Variants in LUZP2 observed in about 807,000 individuals in gnomAD.
LUZP2 encodes the protein leucine zipper protein 2.
Under a neutral mutation model 51.6 loss-of-function variants are expected in LUZP2, and 52 were observed. The ratio of observed to expected loss-of-function variants is 1.01; its 90% CI spans 0.81 to 1.27. The LOEUF (loss-of-function observed/expected upper bound fraction) is 1.27. LUZP2 is among the 50% of genes most tolerant of loss of function. The probability of loss-of-function intolerance (pLI) is 0.00; values close to 1 mark genes in which losing one functional copy is unlikely to be tolerated. For missense variants in LUZP2, 436 were observed against 395.4 expected (o/e 1.10, Z -0.87); for synonymous variants, 154 against 137.3 (o/e 1.12, Z -0.85).
At chr11:25,056,543 A>G (rs1055436753) in intron 10 of LUZP2, among the ~76,000 whole-genome samples, 6 of 152,136 alleles carry the variant, frequency 3.9e-5, no homozygotes, top group African/African-American at 9.7e-5. Flanking sequence ...CATAAAACCT[A>G]GATGTGTATA....
At chr11:25,009,719 A>G (rs1355412950) in intron 9 of LUZP2, among the ~76,000 whole-genome samples, 3 of 152,208 alleles carry the variant, frequency 2.0e-5, no homozygotes, top group Admixed American at 6.5e-5. Context: ...ATTTTAACAC[A>G]TTCTTTACAT....
chr11:24,752,273 A>G (rs1859621000), intron 4 of LUZP2, among the ~76,000 whole-genome samples: 1 of 152,204 alleles, frequency 6.6e-6, no homozygotes, highest in Non-Finnish European at 1.5e-5. Context: ...CAATAATCAG[A>G]TAGATATCAG....
In LUZP2 at chr11:24,881,649, A is replaced by G. The variant is rs577326467; in HGVS notation, c.397-24342A>G. ...TTAGGAGTAGAAGTCCAAATGTTGG[A>G]TCATATAATGAAAATAACCATCAAA... is the stretch of plus-strand genomic sequence containing the variant. On this transcript the variant is annotated intron_variant, in intron 5 of 11. Transcript: ENST00000336930. 4.6e-5 allele frequency among the ~76,000 whole-genome samples: 7 copies of G among 152,174 alleles called. No individual in the cohort carries two copies. In the East Asian group the frequency reaches 1.2e-3, roughly 25 times the overall value.
chr11:24,943,653 A>G (rs554202507), intron 7 of LUZP2, among the ~76,000 whole-genome samples: 1 of 152,176 alleles, frequency 6.6e-6, no homozygotes, highest in East Asian at 1.9e-4. Context: ...CAAGGTGGAC[A>G]GATCACTTGA....
rs2077491252 is a variant in LUZP2, at chr11:25,080,984, TTTTA to T, written c.*2329_*2332del. ...TTTTGTTCTGTATATTCTAAATTCC[TTTTA>T]TTAATTCCTGGCTTGATCAAGTGGG... On this transcript the variant is annotated 3_prime_UTR_variant, in exon 12 of 12. Coordinates refer to ENST00000336930, the MANE Select transcript of LUZP2 (RefSeq NM_001009909.4). 1 of 152,024 alleles carries T rather than the reference TTTTA, an allele frequency of 6.6e-6. No homozygotes were observed. The highest frequency in any genetic ancestry group is 2.4e-5 in the African/African-American group (1 of 41,404). 9.4% of individuals were successfully genotyped at this position (152,024 alleles called of 1,614,324 possible).
At chr11:24,987,870 G>A (rs999125776) in intron 9 of LUZP2, among the ~76,000 whole-genome samples, 8 of 151,802 alleles carry the variant, frequency 5.3e-5, no homozygotes, top group African/African-American at 1.5e-4. Context: ...GAGCCTAGGC[G>A]GCATCTTCAA....
At chr11:24,921,199 C>G (rs950644177) in intron 7 of LUZP2, among the ~76,000 whole-genome samples, 7 of 152,010 alleles carry the variant, frequency 4.6e-5, no homozygotes, top group Admixed American at 3.9e-4. Context: ...CTCCCCCATA[C>G]AGAGACAGAG....
intron 1 of LUZP2, among the ~76,000 whole-genome samples, chr11:24,587,020 G>C (rs544263799): frequency 3.3e-5 from 5 of 151,946 alleles, no homozygotes; most frequent in African/African-American, 1.2e-4. Flanking sequence ...TTAAAAAATT[G>C]CTAGGGAGAT....
At chr11:24,744,547 G>T (rs1859306109) in intron 4 of LUZP2, among the ~76,000 whole-genome samples, 1 of 152,076 alleles carries the variant, frequency 6.6e-6, no homozygotes, top group African/African-American at 2.4e-5. Flanking sequence ...AGTGGTGTCA[G>T]TTGTAATATC....
At chr11:24,906,185 T>A in intron 6 of LUZP2, 132 bp downstream of exon 6, 2 of 493,614 alleles carry the variant, frequency 4.1e-6, no homozygotes, top group Non-Finnish European at 7.0e-6. Flanking sequence ...TAGAAAAATA[T>A]AATATATTTT....
At chr11:24,918,152 A>G (rs542694850) in intron 7 of LUZP2, among the ~76,000 whole-genome samples, 2 of 152,174 alleles carry the variant, frequency 1.3e-5, no homozygotes, top group African/African-American at 2.4e-5. Context: ...TTATTGGTGT[A>G]TAAGAATGCT....
chr11:24,791,739 G>C (rs997474196), intron 5 of LUZP2, among the ~76,000 whole-genome samples: 6 of 152,062 alleles, frequency 3.9e-5, no homozygotes, highest in African/African-American at 1.4e-4. Flanking sequence ...TAGGACAGAA[G>C]GAGATTATTT....
intron 5 of LUZP2, among the ~76,000 whole-genome samples, chr11:24,881,628 GAGT>G (rs1852473316): frequency 1.3e-5 from 2 of 151,986 alleles, no homozygotes; most frequent in African/African-American, 4.8e-5. Flanking sequence ...ACAATGTTAG[GAGT>G]AGAAGTCCAA....
chr11:24,696,811 G>GA (rs548804692), intron 1 of LUZP2, among the ~76,000 whole-genome samples: 25 of 150,084 alleles, frequency 1.7e-4, no homozygotes, highest in East Asian at 3.9e-4. Flanking sequence ...AGAATCTTAA[G>GA]AAAAAAAAAC....
chr11:24,760,476 G>C (rs533305500), intron 4 of LUZP2, among the ~76,000 whole-genome samples: 1 of 152,016 alleles, frequency 6.6e-6, no homozygotes, highest in African/African-American at 2.4e-5. Context: ...CTAGTGTTTT[G>C]GGGTTACTGT....
intron 1 of LUZP2, among the ~76,000 whole-genome samples, chr11:24,525,785 A>G (rs879642967): frequency 1.3e-4 from 20 of 151,412 alleles, no homozygotes; most frequent in Non-Finnish European, 2.1e-4. Flanking sequence ...AAGGGCCTTT[A>G]GGAAATCCTA....
chr11:24,766,905 G>T lies in LUZP2; in HGVS notation c.396+3597G>T, dbSNP rs890440464. Reference sequence around the variant, plus strand: ...GCCTCCTGAGTAGCTGGGACTACAGGCATGCACCACCAAACCCAGCTAATT... The same window carrying T: ...GCCTCCTGAGTAGCTGGGACTACAGTCATGCACCACCAAACCCAGCTAATT... On this transcript the variant is annotated intron_variant, in intron 5 of 11. Coordinates refer to ENST00000336930, the MANE Select transcript of LUZP2 (RefSeq NM_001009909.4). Among the ~76,000 whole-genome samples, 3 of 151,982 alleles carry T rather than the reference G, an allele frequency of 2.0e-5. No homozygotes were observed. In the East Asian group the frequency reaches 5.8e-4, roughly 29 times the overall value.
intron 9 of LUZP2, among the ~76,000 whole-genome samples, chr11:24,992,019 G>A (rs180979158): frequency 9.3e-4 from 141 of 152,162 alleles, no homozygotes; most frequent in African/African-American, 3.2e-3. Flanking sequence ...TTTGTGAGTT[G>A]TCTGTATACT....
intron 7 of LUZP2, among the ~76,000 whole-genome samples, chr11:24,950,475 G>T (rs11827642): frequency 1.3e-5 from 2 of 151,522 alleles, no homozygotes; most frequent in Non-Finnish European, 3.0e-5. Context: ...ACAGCTCCAA[G>T]CCAGGTGAAA....
Sources: allele counts gnomAD v4.1 joint callset (sites outside exome capture counted in the v4.1 genomes callset), GRCh38; gene constraint gnomAD v4.1.1; transcripts MANE v1.5; gene names NCBI Gene and HGNC (gene_info 2026-07-23, HGNC 2026-07-21).